LGSN: variants seen among roughly 807,000 people sequenced by gnomAD.
The protein encoded by LGSN is lengsin, lens protein with glutamine synthetase domain.
LGSN carries 21 observed loss-of-function variants against 19.5 expected under a neutral mutation model. That is an observed-to-expected ratio of 1.07 (90% CI 0.76 to 1.55). LGSN has a LOEUF of 1.55. LGSN is among the 40% of genes most tolerant of loss of function. LGSN has a pLI of 0.00. For missense variants in LGSN, 673 were observed against 608.5 expected (o/e 1.11, Z -1.12); for synonymous variants, 257 against 215.6 (o/e 1.19, Z -1.68).
intron 1 of LGSN, among the ~76,000 whole-genome samples, chr6:63,300,934 C>T (rs1229916116): frequency 6.6e-6 from 1 of 152,120 alleles, no homozygotes; most frequent in Non-Finnish European, 1.5e-5. Context: ...CTAGGTTTTA[C>T]ACTGGAAGTT....
the LGSN span, among the ~76,000 whole-genome samples, chr6:63,356,940 C>T: frequency 6.6e-6 from 1 of 151,822 alleles, no homozygotes; most frequent in Non-Finnish European, 1.5e-5. Flanking sequence ...ATTAACTCGT[C>T]ATTTAACATT....
chr6:63,500,423 A>G, the LGSN span, among the ~76,000 whole-genome samples: 2 of 151,890 alleles, frequency 1.3e-5, no homozygotes, highest in African/African-American at 2.4e-5. Flanking sequence ...TTTATTTTTA[A>G]TTAATTTTTT....
chr6:63,545,617 A>C, the LGSN span, among the ~76,000 whole-genome samples: 10 of 152,164 alleles, frequency 6.6e-5, no homozygotes, highest in Non-Finnish European at 1.0e-4. Flanking sequence ...TCTCAAAAAA[A>C]AAAAGGAAGA....
At chr6:63,485,965 G>A in the LGSN span, among the ~76,000 whole-genome samples, 1 of 151,996 alleles carries the variant, frequency 6.6e-6, no homozygotes, top group Non-Finnish European at 1.5e-5. Context: ...CCTGACCTCA[G>A]GTGATCCACC....
the LGSN span, among the ~76,000 whole-genome samples, chr6:63,466,798 A>C: frequency 2.6e-5 from 4 of 152,120 alleles, no homozygotes; most frequent in Non-Finnish European, 5.9e-5. Flanking sequence ...AGAATAGGAG[A>C]GAAGAATTTG....
chr6:63,302,102 G>T (rs1341214938), intron 1 of LGSN, among the ~76,000 whole-genome samples: 1 of 151,912 alleles, frequency 6.6e-6, no homozygotes, highest in African/African-American at 2.4e-5. Flanking sequence ...TAAATAAAAT[G>T]GAAAGCATCA....
the LGSN span, among the ~76,000 whole-genome samples, chr6:63,427,458 C>A: frequency 6.6e-6 from 1 of 151,974 alleles, no homozygotes; most frequent in Non-Finnish European, 1.5e-5. Flanking sequence ...AAATATAAGC[C>A]GAGGCAGATT....
the LGSN span, among the ~76,000 whole-genome samples, chr6:63,438,540 C>G: frequency 2.0e-5 from 3 of 151,892 alleles, no homozygotes; most frequent in Non-Finnish European, 4.4e-5. Context: ...AAAAAGTGGG[C>G]GAAGGACATG....
At chr6:63,312,224 A>C (rs143964325) in intron 1 of LGSN, among the ~76,000 whole-genome samples, 1,750 of 152,266 alleles carry the variant, frequency 0.011, 39 homozygotes, top group African/African-American at 0.039. Context: ...GGTCAATTCT[A>C]TATCTTAGCT....
the LGSN span, among the ~76,000 whole-genome samples, chr6:63,407,707 G>C: frequency 6.6e-6 from 1 of 152,112 alleles, no homozygotes; most frequent in South Asian, 2.1e-4. Context: ...AGCAATAAAG[G>C]GTATTCAATT....
At chr6:63,403,612 T>A in the LGSN span, among the ~76,000 whole-genome samples, 2 of 151,490 alleles carry the variant, frequency 1.3e-5, no homozygotes, top group Non-Finnish European at 2.9e-5. Context: ...GGAAGATCAA[T>A]ACAATTGATA....
chr6:63,392,948 G>A, the LGSN span, among the ~76,000 whole-genome samples: 133 of 125,944 alleles, frequency 1.1e-3, 2 homozygotes, highest in African/African-American at 3.6e-3. Context: ...GTGCAGTGGC[G>A]CAATCTCTGC....
At chr6:63,556,860 G>T in the LGSN span, among the ~76,000 whole-genome samples, 3 of 152,170 alleles carry the variant, frequency 2.0e-5, no homozygotes, top group Non-Finnish European at 2.9e-5. Flanking sequence ...TAGCACTTAG[G>T]TGATACTATC....
At chr6:63,551,253 A>G in the LGSN span, among the ~76,000 whole-genome samples, 1 of 151,604 alleles carries the variant, frequency 6.6e-6, no homozygotes, top group Non-Finnish European at 1.5e-5. Flanking sequence ...TTTAGTAGAG[A>G]CGGAGTTTCA....
At chr6:63,355,110 C>T in the LGSN span, among the ~76,000 whole-genome samples, 2 of 152,176 alleles carry the variant, frequency 1.3e-5, no homozygotes, top group South Asian at 4.2e-4. Flanking sequence ...ACACAGAGGA[C>T]TTGAAATGTT....
At chr6:63,327,713 G>T in the LGSN span, among the ~76,000 whole-genome samples, 1 of 152,116 alleles carries the variant, frequency 6.6e-6, no homozygotes, top group Non-Finnish European at 1.5e-5. Flanking sequence ...AAAGGAATAG[G>T]GTACACTGTT....
At chr6:63,349,207 C>T in the LGSN span, among the ~76,000 whole-genome samples, 3 of 152,244 alleles carry the variant, frequency 2.0e-5, no homozygotes, top group East Asian at 5.8e-4. Flanking sequence ...TTGTTATTGA[C>T]TTAAGTAAGA....
At chr6:63,451,691 C>A in the LGSN span, among the ~76,000 whole-genome samples, 2 of 151,854 alleles carry the variant, frequency 1.3e-5, no homozygotes, top group Non-Finnish European at 2.9e-5. Context: ...GTACAACAAA[C>A]CCCCATGACA....
the LGSN span, among the ~76,000 whole-genome samples, chr6:63,434,814 T>C: frequency 5.3e-5 from 8 of 151,984 alleles, no homozygotes; most frequent in Non-Finnish European, 7.4e-5. Flanking sequence ...GGAAAGTTTA[T>C]AGAAGTCAGC....
Sources: gnomAD v4.1 joint callset for allele counts (sites outside exome capture counted in the v4.1 genomes callset) on GRCh38, gnomAD v4.1.1 for gene constraint, MANE v1.5 for transcripts, NCBI Gene and HGNC (gene_info 2026-07-23, HGNC 2026-07-21) for gene names.